Variants in CP observed in about 807,000 individuals in gnomAD.
CP encodes the protein ceruloplasmin, also known as caeruloplasmin.
CP carries 64 observed loss-of-function variants against 122.4 expected under a neutral mutation model. The ratio of observed to expected loss-of-function variants is 0.52; its 90% CI spans 0.43 to 0.64. The LOEUF (loss-of-function observed/expected upper bound fraction) is 0.64, where lower values mean the gene tolerates loss of function less well. Ranked by LOEUF, CP falls within the 30% of genes least tolerant of loss-of-function variation. The probability of loss-of-function intolerance (pLI) is 0.00; values close to 1 mark genes in which losing one functional copy is unlikely to be tolerated. For missense variants in CP, 1,167 were observed against 1,284.4 expected (o/e 0.91, Z 1.40); for synonymous variants, 440 against 436.4 (o/e 1.01, Z -0.10).
chr3:149,191,363 T>G (rs1055311906), intron 9 of CP, among the ~76,000 whole-genome samples: 5 of 151,166 alleles, frequency 3.3e-5, no homozygotes, highest in Admixed American at 3.3e-4. Context: ...CCATATACAC[T>G]AGAATAAAAA....
At chr3:149,180,671 T>C (rs1725718748) in intron 14 of CP, among the ~76,000 whole-genome samples, 1 of 152,216 alleles carries the variant, frequency 6.6e-6, no homozygotes, top group South Asian at 2.1e-4. Context: ...GTCTGAGCTG[T>C]TCCTATGTCC....
Position 149,212,309 on chromosome 3 carries a change from T to A in CP, c.394+142A>T, listed in dbSNP as rs34300334. The A allele has an allele frequency of 0.09, 74,514 of 831,576 alleles. 5,027 individuals carry two copies. The highest frequency in any genetic ancestry group is 0.34 in the East Asian group (10,790 of 31,384). 51.5% of individuals were successfully genotyped at this position (831,576 alleles called of 1,614,324 possible). A position where few individuals can be genotyped will look rare whatever the true frequency, so the allele number is the denominator to read the frequency against. ...CTGGGTGACAGAAGTCAAAAAAAATTAAAAAAAAATAAAAAAAAAATAGTT... is the reference window on the plus strand; with the variant it reads ...CTGGGTGACAGAAGTCAAAAAAAATAAAAAAAAAATAAAAAAAAAATAGTT... On this transcript the variant is annotated intron_variant, in intron 2 of 18. Transcript: ENST00000264613.
chr3:149,176,986 G>A (rs1248064222), intron 17 of CP, among the ~76,000 whole-genome samples: 1 of 152,146 alleles, frequency 6.6e-6, no homozygotes, highest in African/African-American at 2.4e-5. Flanking sequence ...AACAAAACAG[G>A]CTTTCTGCAG....
At chr3:149,164,331 C>G (rs1360339340) in intron 5 of CP, among the ~76,000 whole-genome samples, 1 of 152,046 alleles carries the variant, frequency 6.6e-6, no homozygotes, top group Non-Finnish European at 1.5e-5. Flanking sequence ...GGTCTCTAAC[C>G]CAAGCCAGGC....
At chr3:149,169,535 C>T (rs950707128), downstream of CP, among the ~76,000 whole-genome samples, 3 of 152,182 alleles carry the variant, frequency 2.0e-5, no homozygotes, top group African/African-American at 7.2e-5. Flanking sequence ...GGTAATTGTC[C>T]GTGTGCGTGG....
chr3:149,176,736 G>A, intron 17 of CP: 1 of 268,560 alleles, frequency 3.7e-6, no homozygotes, highest in South Asian at 4.5e-5. Context: ...ACTCAGCTGT[G>A]GCCCCATTTC....
intron 1 of CP, among the ~76,000 whole-genome samples, chr3:149,215,321 T>C (rs948611408): frequency 1.3e-5 from 2 of 152,242 alleles, no homozygotes; most frequent in Non-Finnish European, 2.9e-5. Flanking sequence ...GGAAGAGCAT[T>C]GCCATAAACA....
chr3:149,163,158 C>G (rs1299110559), intron 5 of CP, among the ~76,000 whole-genome samples: 1 of 152,186 alleles, frequency 6.6e-6, no homozygotes, highest in African/African-American at 2.4e-5. Flanking sequence ...GGACTTCTTC[C>G]AGAACATCAC....
chr3:149,215,659 C>T (rs1314667937), intron 1 of CP, among the ~76,000 whole-genome samples: 2 of 152,148 alleles, frequency 1.3e-5, no homozygotes, highest in African/African-American at 2.4e-5. Context: ...TATTTAATTT[C>T]GACAGCACAG....
At position 149,178,648 on chromosome 3, in the gene CP, T is replaced by C; in HGVS notation, c.2662-17A>G. On this transcript the variant is annotated splice_polypyrimidine_tract_variant and intron_variant, in intron 15 of 18. Transcript: ENST00000264613. Reference sequence around the variant, plus strand: ...GTAGAGGTCCTGGAAACAAGAAAAATCTTCAGTAACCCTTGTGAATTAGGT... The same window carrying C: ...GTAGAGGTCCTGGAAACAAGAAAAACCTTCAGTAACCCTTGTGAATTAGGT... 2 of 1,547,248 alleles carry C rather than the reference T, an allele frequency of 1.3e-6. No homozygotes were observed. The highest frequency in any genetic ancestry group is 1.8e-6 in the Non-Finnish European group (2 of 1,123,292).
intron 5 of CP, among the ~76,000 whole-genome samples, chr3:149,165,396 T>C (rs1724312743): frequency 1.3e-5 from 2 of 152,170 alleles, no homozygotes; most frequent in Admixed American, 6.5e-5. Context: ...AAGGAAAATA[T>C]TTGCTATTAA....
chr3:149,165,189 TAG>T (rs1379129426), intron 5 of CP, among the ~76,000 whole-genome samples: 1 of 152,200 alleles, frequency 6.6e-6, no homozygotes, highest in Non-Finnish European at 1.5e-5. Context: ...GCATGTGCTG[TAG>T]ATGTATGGGG....
chr3:149,163,832 T>A, intron 5 of CP: 1 of 1,405,790 alleles, frequency 7.1e-7, no homozygotes, highest in Non-Finnish European at 1.0e-6. Context: ...GAAATTCTTT[T>A]ATGTTTTAGA....
chr3:149,194,832 A>G (rs1478451828), intron 9 of CP, among the ~76,000 whole-genome samples: 1 of 152,202 alleles, frequency 6.6e-6, no homozygotes, highest in Non-Finnish European at 1.5e-5. Context: ...TCTAAGGTTC[A>G]GTAGAAAGAA....
At chr3:149,197,512 T>TG (rs1434785208) in intron 9 of CP, among the ~76,000 whole-genome samples, 1 of 141,412 alleles carries the variant, frequency 7.1e-6, no homozygotes, top group Non-Finnish European at 1.5e-5. Flanking sequence ...GAAGCAGTCT[T>TG]GAAAAAAAAA....
rs1728435507 is a variant in CP, at chr3:149,215,998, G to A, written c.147-3300C>T. 1.3e-5 allele frequency among the ~76,000 whole-genome samples: 2 copies of A among 152,158 alleles called. 1 individual carries two copies. The highest frequency in any genetic ancestry group is 4.1e-4 in the South Asian group (2 of 4,824). On this transcript the variant is annotated intron_variant, in intron 1 of 18. Transcript: ENST00000264613. ...ATTGCTTTGGTAAGATATTAATAATGCTATTCCCTCCCATAAATTTAGAAT... is the reference window on the plus strand; with the variant it reads ...ATTGCTTTGGTAAGATATTAATAATACTATTCCCTCCCATAAATTTAGAAT...
chr3:149,209,935 A>T (rs552039493), intron 3 of CP, among the ~76,000 whole-genome samples: 3 of 152,218 alleles, frequency 2.0e-5, no homozygotes, highest in South Asian at 2.1e-4. Flanking sequence ...CCCTGAGAGA[A>T]TATATTTCTT....
intron 9 of CP, among the ~76,000 whole-genome samples, chr3:149,192,670 T>TACAC (rs150990784): frequency 1.0e-4 from 15 of 150,544 alleles, no homozygotes; most frequent in African/African-American, 3.5e-4. Context: ...GTATGTAGTA[T>TACAC]ACACACACAC....
intron 5 of CP, among the ~76,000 whole-genome samples, chr3:149,206,818 G>A (rs542745933): frequency 6.6e-6 from 1 of 152,230 alleles, no homozygotes; most frequent in South Asian, 2.1e-4. Context: ...TTTGATAAAA[G>A]CAATTATATT....
Sources: gnomAD v4.1 joint callset for allele counts (sites outside exome capture counted in the v4.1 genomes callset) on GRCh38, gnomAD v4.1.1 for gene constraint, MANE v1.5 for transcripts, NCBI Gene and HGNC (gene_info 2026-07-23, HGNC 2026-07-21) for gene names.